CCDC85C: variants seen among roughly 807,000 people sequenced by gnomAD.
CCDC85C encodes coiled-coil domain-containing protein 85C.
Under a neutral mutation model 38.3 loss-of-function variants are expected in CCDC85C, and 18 were observed. That is an observed-to-expected ratio of 0.47 (90% CI 0.33 to 0.70). The LOEUF is 0.70. CCDC85C is among the 30% of genes least tolerant of loss of function. The probability of loss-of-function intolerance (pLI) is 0.03; values close to 1 mark genes in which losing one functional copy is unlikely to be tolerated. For missense variants in CCDC85C, 566 were observed against 621.2 expected (o/e 0.91, Z 0.94); for synonymous variants, 264 against 293.8 (o/e 0.90, Z 1.04).
chr14:99,519,384 T>C (rs776958025), intron 3 of CCDC85C, among the ~76,000 whole-genome samples: 1 of 151,164 alleles, frequency 6.6e-6, no homozygotes, highest in African/African-American at 2.4e-5. Flanking sequence ...CCCAAAGTGA[T>C]GGGATTATAG....
At chr14:99,595,746 C>T (rs896474118) in intron 1 of CCDC85C, among the ~76,000 whole-genome samples, 7 of 152,208 alleles carry the variant, frequency 4.6e-5, no homozygotes, top group South Asian at 4.1e-4. Context: ...TTCAACTGGA[C>T]GGGAGTCCCT....
At chr14:99,524,014 C>T (rs1273071879) in intron 2 of CCDC85C, among the ~76,000 whole-genome samples, 14 of 124,042 alleles carry the variant, frequency 1.1e-4, no homozygotes, top group African/African-American at 4.0e-4. Context: ...CCATGAGTGA[C>T]ACCCCTCCCC....
At position 99,503,701 on chromosome 14, in the gene CCDC85C, A is replaced by G. The variant is rs1896900616; in HGVS notation, c.*11545T>C. ...TATGTGTTTATATGCAAAACTTTAAATTCTTAGCCAACATTGTTTCTTTTC... is the reference window on the plus strand; with the variant it reads ...TATGTGTTTATATGCAAAACTTTAAGTTCTTAGCCAACATTGTTTCTTTTC... On this transcript the variant is annotated 3_prime_UTR_variant, in exon 6 of 6. Coordinates refer to ENST00000380243, the MANE Select transcript of CCDC85C (RefSeq NM_001144995.2). 18 of 1,399,366 alleles carry G rather than the reference A, an allele frequency of 1.3e-5. No individual in the cohort carries two copies. The South Asian group carries it at 1.9e-4, about 15-fold the overall frequency. The allele number at this position is 1,399,366 out of a possible 1,614,324, so 86.7% of individuals were successfully genotyped here. A position where few individuals can be genotyped will look rare whatever the true frequency, so the allele number is the denominator to read the frequency against.
In CCDC85C at chr14:99,504,099, T is replaced by TG. The variant is rs1896911989; in HGVS notation, c.*11146dup. The TG allele has an allele frequency of 2.6e-6, 1 of 381,474 alleles. No homozygotes were observed. The highest frequency in any genetic ancestry group is 5.2e-6 in the Non-Finnish European group (1 of 190,914). 23.6% of individuals were successfully genotyped at this position (381,474 alleles called of 1,614,324 possible). On this transcript the variant is annotated 3_prime_UTR_variant, in exon 6 of 6. Transcript: ENST00000380243. ...AGGCAAGGCCTCTTTGAAACACACT[T>TG]GGGTTGAGGTGCTGTCACATGTCTA...
At chr14:99,556,514 T>C (rs1280223305) in intron 1 of CCDC85C, among the ~76,000 whole-genome samples, 2 of 152,194 alleles carry the variant, frequency 1.3e-5, no homozygotes, top group East Asian at 3.8e-4. Context: ...CTATGCTATA[T>C]GAAAGTTCTC....
intron 1 of CCDC85C, among the ~76,000 whole-genome samples, chr14:99,543,870 G>A (rs564275962): frequency 8.2e-5 from 12 of 146,852 alleles, no homozygotes; most frequent in African/African-American, 2.5e-4. Flanking sequence ...AGCTTTTGGC[G>A]GTGGCTGCAT....
In CCDC85C at chr14:99,520,036, C is replaced by T. The variant is rs1484182300; in HGVS notation, c.975+2097G>A. Among the ~76,000 whole-genome samples the T allele has an allele frequency of 1.3e-5, 2 of 152,202 alleles. No individual in the cohort carries two copies. The highest frequency in any genetic ancestry group is 2.9e-5 in the Non-Finnish European group (2 of 68,026). ...TGATGGGTATAAACCACCTCCCACC[C>T]TCCACTGGGCACCTGCCCTGACAGC... On this transcript the variant is annotated intron_variant, in intron 3 of 5. Coordinates refer to ENST00000380243, the MANE Select transcript of CCDC85C (RefSeq NM_001144995.2). The surrounding 1 kb of genome is among the most constrained non-coding windows in gnomAD (Gnocchi z 4.1).
chr14:99,577,565 A>C (rs970715765), intron 1 of CCDC85C, among the ~76,000 whole-genome samples: 1 of 152,000 alleles, frequency 6.6e-6, no homozygotes, highest in African/African-American at 2.4e-5. Context: ...GGAGCTGAGG[A>C]GCTGCACTTG....
chr14:99,525,592 CACAA>C (rs1416244222), intron 2 of CCDC85C, among the ~76,000 whole-genome samples: 1 of 152,236 alleles, frequency 6.6e-6, no homozygotes, highest in East Asian at 1.9e-4. Flanking sequence ...GTCCGAGAGG[CACAA>C]ACAGAGCGCC....
intron 1 of CCDC85C, among the ~76,000 whole-genome samples, chr14:99,584,830 T>C (rs918310760): frequency 2.6e-5 from 4 of 152,218 alleles, no homozygotes; most frequent in Admixed American, 6.5e-5. Flanking sequence ...CAGTGGACGC[T>C]GTAATCCCAG....
At chr14:99,580,983 C>A (rs2054962282) in intron 1 of CCDC85C, among the ~76,000 whole-genome samples, 1 of 152,152 alleles carries the variant, frequency 6.6e-6, no homozygotes, top group Non-Finnish European at 1.5e-5. Context: ...GAATCCTGAA[C>A]CTGATGCTGA....
Position 99,501,233 on chromosome 14 carries a change from C to A in CCDC85C, c.*14013G>T. The A allele has an allele frequency of 4.3e-6, 3 of 689,700 alleles. No individual in the cohort carries two copies. The highest frequency in any genetic ancestry group is 1.7e-5 in the South Asian group (1 of 59,160). 42.7% of individuals were successfully genotyped at this position (689,700 alleles called of 1,614,324 possible). A position where few individuals can be genotyped will look rare whatever the true frequency, so the allele number is the denominator to read the frequency against. On this transcript the variant is annotated 3_prime_UTR_variant, in exon 6 of 6. Coordinates refer to ENST00000380243, the MANE Select transcript of CCDC85C (RefSeq NM_001144995.2). Reference sequence around the variant, plus strand: ...CCACATCATTCATCCTTGTTTCCCACGCAAAAGCTCTTTGCTGTGTATTTG... The same window carrying A: ...CCACATCATTCATCCTTGTTTCCCAAGCAAAAGCTCTTTGCTGTGTATTTG...
rs1447871426 is a variant in CCDC85C, at chr14:99,558,322, A to G, written c.794-22234T>C. 6.6e-6 allele frequency among the ~76,000 whole-genome samples: 1 copy of G among 152,226 alleles called. No homozygotes were observed. Among genetic ancestry groups the G allele is most frequent in the Non-Finnish European group, 1.5e-5 (1 of 68,034 alleles). Reference sequence around the variant, plus strand: ...TCAGAATGTGATCTTATTTGGAAATACGGTCTTTGCACATGTAGTCAAGGT... The same window carrying G: ...TCAGAATGTGATCTTATTTGGAAATGCGGTCTTTGCACATGTAGTCAAGGT... On this transcript the variant is annotated intron_variant, in intron 1 of 5. Coordinates refer to ENST00000380243, the MANE Select transcript of CCDC85C (RefSeq NM_001144995.2). The surrounding 1 kb of genome is among the most constrained non-coding windows in gnomAD (Gnocchi z 4.2).
Position 99,603,935 on chromosome 14 carries a change from C to CCGCCGT in CCDC85C, c.19_24dup (p.Thr7_Ala8dup), listed in dbSNP as rs1394273717. On this transcript the variant is annotated inframe_insertion, in exon 1 of 6. Coordinates refer to ENST00000380243, the MANE Select transcript of CCDC85C (RefSeq NM_001144995.2). The surrounding 1 kb of genome is among the most constrained non-coding windows in gnomAD (Gnocchi z 7.5). ...TGGCTCAGCTCCTCCGACGCCGCCG[C>CCGCCGT]CGCCGTCGCCGCGGGCTTAGCCATG... The CCGCCGT allele has an allele frequency of 1.1e-5, 15 of 1,410,940 alleles. No homozygotes were observed. Among genetic ancestry groups the CCGCCGT allele is most frequent in the Admixed American group, 5.8e-5 (2 of 34,398 alleles). 87.4% of individuals were successfully genotyped at this position (1,410,940 alleles called of 1,614,324 possible).
chr14:99,517,748 C>T (rs550681768), intron 3 of CCDC85C, among the ~76,000 whole-genome samples: 49 of 152,274 alleles, frequency 3.2e-4, no homozygotes, highest in African/African-American at 1.1e-3. Flanking sequence ...GGGGAGGGGA[C>T]CCAGCCTCTG....
At chr14:99,584,822 G>A (rs1370856483) in intron 1 of CCDC85C, among the ~76,000 whole-genome samples, 2 of 152,240 alleles carry the variant, frequency 1.3e-5, no homozygotes, top group African/African-American at 4.8e-5. Context: ...GCTGGGCGCA[G>A]TGGACGCTGT....
chr14:99,566,659 G>A (rs191280410), intron 1 of CCDC85C, among the ~76,000 whole-genome samples: 30 of 152,260 alleles, frequency 2.0e-4, no homozygotes, highest in Middle Eastern at 6.8e-3. Context: ...CTGGGCAGGC[G>A]CCCACCTCCT....
At chr14:99,584,799 G>T (rs1467289445) in intron 1 of CCDC85C, among the ~76,000 whole-genome samples, 1 of 152,226 alleles carries the variant, frequency 6.6e-6, no homozygotes, top group African/African-American at 2.4e-5. Flanking sequence ...CTCCAAATAA[G>T]AACTGCCTTG....
At chr14:99,587,938 C>T (rs1320990628) in intron 1 of CCDC85C, among the ~76,000 whole-genome samples, 2 of 152,236 alleles carry the variant, frequency 1.3e-5, no homozygotes, top group Non-Finnish European at 2.9e-5. Context: ...TCCTGGCCAG[C>T]TTCTGCATCC....
Sources: allele counts gnomAD v4.1 joint callset (sites outside exome capture counted in the v4.1 genomes callset), GRCh38; gene constraint gnomAD v4.1.1; non-coding constraint Gnocchi (gnomAD v3.1); transcripts MANE v1.5; gene names NCBI Gene and HGNC (gene_info 2026-07-23, HGNC 2026-07-21).